CHODL: variants seen among roughly 807,000 people sequenced by gnomAD.
CHODL encodes the protein transmembrane protein MT75.
A neutral mutation model predicts 34.5 loss-of-function variants in CHODL; 29 were observed. The ratio of observed to expected loss-of-function variants is 0.84; its 90% CI spans 0.63 to 1.15. The LOEUF (loss-of-function observed/expected upper bound fraction) is 1.15, where lower values mean the gene tolerates loss of function less well. Ranked by LOEUF, CHODL falls within the 50% of genes most tolerant of loss-of-function variation. The pLI is 0.00. For missense variants in CHODL, 332 were observed against 332.5 expected (o/e 1.00, Z 0.01); for synonymous variants, 125 against 116.1 (o/e 1.08, Z -0.49).
At chr21:18,174,661 G>T (rs2073284574) in intron 2 of CHODL, among the ~76,000 whole-genome samples, 1 of 152,050 alleles carries the variant, frequency 6.6e-6, no homozygotes, top group Admixed American at 6.6e-5. Context: ...AGAAAGAACT[G>T]GACCAGAAAG....
chr21:17,920,327 G>A (rs1370199351), intron 1 of CHODL, among the ~76,000 whole-genome samples: 1 of 152,192 alleles, frequency 6.6e-6, no homozygotes, highest in Admixed American at 6.5e-5. Flanking sequence ...TAGCTGGGGA[G>A]GCCTCACAAT....
At chr21:18,086,041 C>CTTTT (rs3984977) in intron 2 of CHODL, among the ~76,000 whole-genome samples, 1 of 38,734 alleles carries the variant, frequency 2.6e-5, no homozygotes, top group Non-Finnish European at 4.9e-5. Context: ...AGACTTTGTT[C>CTTTT]TTTTTTTTTT....
At chr21:18,064,158 CA>C (rs1234323226) in intron 2 of CHODL, among the ~76,000 whole-genome samples, 2 of 152,068 alleles carry the variant, frequency 1.3e-5, no homozygotes, top group Non-Finnish European at 2.9e-5. Flanking sequence ...GTGTCATATC[CA>C]TAAGTCATAC....
rs570239891 is a variant in CHODL at position 18,013,143 on chromosome 21, T to C, written c.-144-14729T>C. On this transcript the variant is annotated intron_variant, in intron 1 of 6. Coordinates refer to the CHODL transcript ENST00000400127. ...CCAATTACTTGCCCAGATAGGTAAC[T>C]TGATTAATAATGCACTCTCTATTGA... 9.2e-5 allele frequency among the ~76,000 whole-genome samples: 14 copies of C among 152,340 alleles called. No homozygotes were observed. The East Asian group carries it at 1.5e-3, about 17-fold the overall frequency.
chr21:18,252,359 G>T (rs1027581271), intron 1 of CHODL, among the ~76,000 whole-genome samples: 1 of 152,116 alleles, frequency 6.6e-6, no homozygotes, highest in African/African-American at 2.4e-5. Context: ...AGAATGAGAC[G>T]AGAGGTAATT....
At chr21:18,189,563 T>C (rs1180638639) in intron 2 of CHODL, among the ~76,000 whole-genome samples, 1 of 151,920 alleles carries the variant, frequency 6.6e-6, no homozygotes, top group East Asian at 1.9e-4. Flanking sequence ...AATGTCAGCC[T>C]GTCACTCATT....
intron 2 of CHODL, among the ~76,000 whole-genome samples, chr21:18,110,296 T>C (rs986191869): frequency 6.6e-6 from 1 of 152,198 alleles, no homozygotes; most frequent in African/African-American, 2.4e-5. Context: ...AAGAGGAATA[T>C]GTGAATTTTT....
intron 2 of CHODL, among the ~76,000 whole-genome samples, chr21:18,096,893 A>G (rs1420525515): frequency 6.6e-6 from 1 of 152,038 alleles, no homozygotes; most frequent in Non-Finnish European, 1.5e-5. Context: ...TCCTACCAAT[A>G]TGTGATGGCA....
At chr21:18,183,919 T>C (rs1455269510) in intron 2 of CHODL, among the ~76,000 whole-genome samples, 1 of 152,224 alleles carries the variant, frequency 6.6e-6, no homozygotes, top group Non-Finnish European at 1.5e-5. Flanking sequence ...GAAAGTCTGA[T>C]TGTTTTTTAG....
intron 1 of CHODL, among the ~76,000 whole-genome samples, chr21:18,252,448 C>T (rs984271169): frequency 1.9e-4 from 29 of 152,172 alleles, no homozygotes; most frequent in South Asian, 8.3e-4. Flanking sequence ...CAAAACTTTT[C>T]TGGGAATTAG....
chr21:18,135,097 G>A lies in CHODL; in HGVS notation c.-45+107126G>A, dbSNP rs77412557. Among the ~76,000 whole-genome samples the A allele has an allele frequency of 6.6e-3, 1,003 of 152,218 alleles. 8 individuals carry two copies. Among genetic ancestry groups the A allele is most frequent in the African/African-American group, 0.021 (878 of 41,520 alleles). On this transcript the variant is annotated intron_variant, in intron 2 of 6. Transcript: ENST00000400127. Reference sequence around the variant, plus strand: ...CATTATAAGAAAAACTACACTTACCGTAAGTAAATGGCACTCTCTATCTCT... The same window carrying A: ...CATTATAAGAAAAACTACACTTACCATAAGTAAATGGCACTCTCTATCTCT...
chr21:18,228,369 T>A (rs1381534194), intron 2 of CHODL, among the ~76,000 whole-genome samples: 1 of 152,142 alleles, frequency 6.6e-6, no homozygotes, highest in Non-Finnish European at 1.5e-5. Flanking sequence ...TTTTTCTTAA[T>A]GTACATCTAT....
At chr21:18,188,972 G>T (rs1459074280) in intron 2 of CHODL, among the ~76,000 whole-genome samples, 1 of 152,250 alleles carries the variant, frequency 6.6e-6, no homozygotes. Context: ...TTGCTGGGCA[G>T]ATGTCCTTGC....
At chr21:18,085,694 C>A (rs2064997491) in intron 2 of CHODL, among the ~76,000 whole-genome samples, 1 of 152,124 alleles carries the variant, frequency 6.6e-6, no homozygotes, top group African/African-American at 2.4e-5. Context: ...TCTCTTCTAG[C>A]CTGGAGGTTT....
chr21:17,970,836 T>C (rs1273958061), intron 1 of CHODL, among the ~76,000 whole-genome samples: 2 of 152,188 alleles, frequency 1.3e-5, no homozygotes, highest in Non-Finnish European at 2.9e-5. Flanking sequence ...GCTACATCCA[T>C]CAACCGGTCA....
intron 2 of CHODL, among the ~76,000 whole-genome samples, chr21:18,218,313 A>G (rs1236169741): frequency 6.6e-6 from 1 of 152,212 alleles, no homozygotes; most frequent in Non-Finnish European, 1.5e-5. Context: ...GTGTACCTGC[A>G]GGCTCAACAG....
At chr21:18,027,366 G>T (rs1407779612) in intron 1 of CHODL, among the ~76,000 whole-genome samples, 1 of 152,064 alleles carries the variant, frequency 6.6e-6, no homozygotes, top group Non-Finnish European at 1.5e-5. Context: ...AACTAAATAG[G>T]TATGGATCTA....
chr21:18,195,253 A>C (rs1298141074), intron 2 of CHODL, among the ~76,000 whole-genome samples: 1 of 151,946 alleles, frequency 6.6e-6, no homozygotes, highest in African/African-American at 2.4e-5. Context: ...ATGGGGATTC[A>C]ATGTGTTAGC....
chr21:18,139,647 CTT>C (rs1305175133), intron 2 of CHODL, among the ~76,000 whole-genome samples: 1 of 152,122 alleles, frequency 6.6e-6, no homozygotes, highest in Non-Finnish European at 1.5e-5. Context: ...TATGCTGAGA[CTT>C]TGCAGGCCCA....
Sources: allele counts gnomAD v4.1 joint callset (sites outside exome capture counted in the v4.1 genomes callset), GRCh38; gene constraint gnomAD v4.1.1; transcripts MANE v1.5; gene names NCBI Gene and HGNC (gene_info 2026-07-23, HGNC 2026-07-21).